Variants in VPS13A observed in about 807,000 individuals in gnomAD.
VPS13A encodes vacuolar protein sorting 13 homolog A, also known as intermembrane lipid transfer protein VPS13A.
In VPS13A, 264 loss-of-function variants were observed where a neutral mutation model predicts 390.9. The observed-to-expected ratio is 0.68, with a 90% CI of 0.61 to 0.75. The LOEUF is 0.75. VPS13A is among the 30% of genes least tolerant of loss of function. The pLI, the probability that VPS13A is intolerant of heterozygous loss-of-function variation, is 0.00. For synonymous variants in VPS13A, 1,231 were observed against 1,227.1 expected (o/e 1.00, Z -0.07); for missense variants, 3,409 against 3,733.9 (o/e 0.91, Z 2.27).
intron 13 of VPS13A, among the ~76,000 whole-genome samples, chr9:77,222,330 G>A (rs1823267355): frequency 6.6e-6 from 1 of 152,078 alleles, no homozygotes; most frequent in Non-Finnish European, 1.5e-5. Flanking sequence ...ATGGGTTGTA[G>A]TTACTTCTCT....
chr9:77,276,067 T>G lies in VPS13A; in HGVS notation c.2670T>G (p.Val890=), dbSNP rs756501804. The stretch of plus-strand genomic sequence containing the variant: ...TTTCTTTTTTCTTTCTTCTCCAGGT[T>G]TTGATCGAGTTTTATCACCTTGTTG... ...TFKIRFEVPK[V]LIEFYHLVGD... The change falls in exon 26 of 72, where the codon GTT becomes GTG. Residue 890 remains valine (V), a splice_region_variant and synonymous_variant. Coordinates refer to ENST00000360280, the MANE Select transcript of VPS13A (RefSeq NM_033305.3). The G allele has an allele frequency of 6.2e-7, 1 of 1,611,968 alleles. No homozygotes were observed. Among genetic ancestry groups the G allele is most frequent in the Admixed American group, 1.7e-5 (1 of 60,006 alleles).
chr9:77,352,341 C>T (rs1831518641), intron 53 of VPS13A, among the ~76,000 whole-genome samples: 1 of 151,816 alleles, frequency 6.6e-6, no homozygotes, highest in Admixed American at 6.6e-5. Context: ...TTTCTTACCA[C>T]TGGTGATTTT....
chr9:77,181,405 A>ACTCAGGAG (rs981520499), intron 1 of VPS13A, among the ~76,000 whole-genome samples: 12 of 151,780 alleles, frequency 7.9e-5, no homozygotes, highest in Non-Finnish European at 1.6e-4. Context: ...AATCCCAGCT[A>ACTCAGGAG]CTCAGGAGAC....
rs531570280 is a variant in VPS13A at position 77,302,451 on chromosome 9, C to T, written c.3813-464C>T. On this transcript the variant is annotated intron_variant, in intron 33 of 71. Transcript: ENST00000360280. ...GCAGTGGTGCGATCTCGGCTCACTG[C>T]AACCTCCACCTCCCAGGTTCAAGCA... Among the ~76,000 whole-genome samples, 18 of 143,994 alleles carry T rather than the reference C, an allele frequency of 1.3e-4. 1 individual carries two copies. In the South Asian group the frequency reaches 4.0e-3, roughly 32 times the overall value. 94.5% of individuals were successfully genotyped at this position (143,994 alleles called of 152,430 possible).
chr9:77,273,788 T>G (rs1158064180), intron 24 of VPS13A, among the ~76,000 whole-genome samples: 1 of 152,134 alleles, frequency 6.6e-6, no homozygotes, highest in Non-Finnish European at 1.5e-5. Context: ...TAAGAATGTC[T>G]TGGGAGTAAG....
intron 46 of VPS13A, 95 bp from the exon 47 acceptor site, chr9:77,337,160 A>C: frequency 1.7e-6 from 2 of 1,188,782 alleles, no homozygotes; most frequent in Admixed American, 2.4e-5. Context: ...CAATATTATG[A>C]AAGGAGGTAA....
At chr9:77,328,820 C>T (rs555742619) in intron 45 of VPS13A, among the ~76,000 whole-genome samples, 16 of 152,196 alleles carry the variant, frequency 1.1e-4, no homozygotes, top group African/African-American at 3.6e-4. Flanking sequence ...TGTATTAGGC[C>T]GTTTTCATAC....
At chr9:77,309,278 G>A (rs994375807) in intron 35 of VPS13A, among the ~76,000 whole-genome samples, 12 of 152,098 alleles carry the variant, frequency 7.9e-5, no homozygotes, top group African/African-American at 2.2e-4. Context: ...CTCCCAGGAC[G>A]GAGAATAAAA....
At chr9:77,183,440 A>G (rs1290986321) in intron 1 of VPS13A, among the ~76,000 whole-genome samples, 1 of 152,122 alleles carries the variant, frequency 6.6e-6, no homozygotes, top group Non-Finnish European at 1.5e-5. Flanking sequence ...ACTGCATATT[A>G]GCTTGAGTTT....
At chr9:77,239,988 ATATACTATTT>A (rs1319893585) in intron 19 of VPS13A, among the ~76,000 whole-genome samples, 43 of 138,692 alleles carry the variant, frequency 3.1e-4, no homozygotes, top group Admixed American at 1.3e-3. Flanking sequence ...TACCATCCCC[ATATACTATTT>A]TTTTTACTTA....
intron 68 of VPS13A, among the ~76,000 whole-genome samples, chr9:77,394,847 G>C (rs1327477554): frequency 1.3e-5 from 2 of 152,138 alleles, no homozygotes; most frequent in Non-Finnish European, 2.9e-5. Flanking sequence ...ATCTCTGCTA[G>C]CTTCACCTTT....
intron 45 of VPS13A, among the ~76,000 whole-genome samples, chr9:77,327,694 T>C (rs1830081256): frequency 6.6e-6 from 1 of 152,050 alleles, no homozygotes; most frequent in Non-Finnish European, 1.5e-5. Context: ...GACCATTATT[T>C]GCTACTTACT....
At chr9:77,410,381 C>T (rs1834860877) in intron 71 of VPS13A, among the ~76,000 whole-genome samples, 1 of 152,170 alleles carries the variant, frequency 6.6e-6, no homozygotes, top group Non-Finnish European at 1.5e-5. Flanking sequence ...GAAGAAACTG[C>T]ATCAACTAAC....
intron 46 of VPS13A, among the ~76,000 whole-genome samples, chr9:77,333,342 A>G (rs1008784201): frequency 6.6e-6 from 1 of 152,016 alleles, no homozygotes; most frequent in Admixed American, 6.6e-5. Context: ...TGATTAATTC[A>G]TCTTAATGAG....
chr9:77,262,835 G>A (rs1246569186), intron 23 of VPS13A, among the ~76,000 whole-genome samples: 1 of 152,112 alleles, frequency 6.6e-6, no homozygotes, highest in African/African-American at 2.4e-5. Context: ...GTCTATCATT[G>A]ATGGGCATTT....
intron 32 of VPS13A, among the ~76,000 whole-genome samples, chr9:77,294,492 T>A (rs983541522): frequency 6.6e-6 from 1 of 152,182 alleles, no homozygotes; most frequent in African/African-American, 2.4e-5. Flanking sequence ...AAGGCTGTAG[T>A]GGAATAAATA....
At chr9:77,339,453 T>C in intron 47 of VPS13A, 63 bp from the exon 48 acceptor site, 1 of 1,453,354 alleles carries the variant, frequency 6.9e-7, no homozygotes, top group South Asian at 1.3e-5. Context: ...ATAAATAGAA[T>C]TTTGAGGCAT....
rs1354395572 is a variant in VPS13A, at chr9:77,207,244, TATATATATAA to T, written c.385+1167_385+1176del. Among the ~76,000 whole-genome samples, 11 of 118,442 alleles carry T rather than the reference TATATATATAA, an allele frequency of 9.3e-5. 1 individual carries two copies. The highest frequency in any genetic ancestry group is 7.2e-4 in the East Asian group (3 of 4,144). 77.7% of individuals were successfully genotyped at this position (118,442 alleles called of 152,430 possible). The stretch of plus-strand genomic sequence containing the variant: ...ATATATATATATATATATATATATA[TATATATATAA>T]AACGTGTTATATGTAACATAACATG... On this transcript the variant is annotated intron_variant, in intron 5 of 71. Coordinates refer to ENST00000360280, the MANE Select transcript of VPS13A (RefSeq NM_033305.3).
At chr9:77,323,288 A>G in intron 45 of VPS13A, 61 bp downstream of exon 45, 1 of 1,555,800 alleles carries the variant, frequency 6.4e-7, no homozygotes, top group Non-Finnish European at 8.8e-7. Context: ...TAATAAAATT[A>G]AAAACAACAA....
Sources: allele counts gnomAD v4.1 joint callset (sites outside exome capture counted in the v4.1 genomes callset), GRCh38; gene constraint gnomAD v4.1.1; transcripts MANE v1.5; gene names NCBI Gene and HGNC (gene_info 2026-07-23, HGNC 2026-07-21).